RHOBTB1: variants seen among roughly 807,000 people sequenced by gnomAD.
RHOBTB1 encodes the protein rho-related BTB domain-containing protein 1.
RHOBTB1 carries 40 observed loss-of-function variants against 71.6 expected under a neutral mutation model. That is an observed-to-expected ratio of 0.56 (90% CI 0.43 to 0.73). The LOEUF is 0.73. RHOBTB1 is among the 30% of genes least tolerant of loss of function. The pLI is 0.00. For missense variants in RHOBTB1, 797 were observed against 894.0 expected (o/e 0.89, Z 1.38); for synonymous variants, 319 against 334.9 (o/e 0.95, Z 0.52).
At chr10:60,999,275 T>C (rs1027714530) in intron 1 of RHOBTB1, among the ~76,000 whole-genome samples, 7 of 152,114 alleles carry the variant, frequency 4.6e-5, no homozygotes, top group African/African-American at 1.7e-4. Context: ...TCCACTAAAA[T>C]GGACAAGTGT....
intron 1 of RHOBTB1, among the ~76,000 whole-genome samples, chr10:60,992,590 C>A (rs982071841): frequency 3.3e-4 from 50 of 152,272 alleles, no homozygotes; most frequent in African/African-American, 1.1e-3. Flanking sequence ...TGACAGAATT[C>A]TAGCAACTGT....
At chr10:60,918,389 AAG>A (rs769211426) in intron 2 of RHOBTB1, among the ~76,000 whole-genome samples, 4 of 152,078 alleles carry the variant, frequency 2.6e-5, no homozygotes, top group South Asian at 2.1e-4. Flanking sequence ...TCTCTTATGA[AAG>A]AGACTCCCAG....
At chr10:60,988,285 A>G (rs969856624) in intron 1 of RHOBTB1, among the ~76,000 whole-genome samples, 11 of 152,158 alleles carry the variant, frequency 7.2e-5, no homozygotes, top group Non-Finnish European at 1.3e-4. Context: ...TCAAAGAACT[A>G]AGATTTTATT....
Position 60,892,804 on chromosome 10 carries a change from G to A in RHOBTB1, c.482+6C>T. The A allele has an allele frequency of 6.2e-7, 1 of 1,610,364 alleles. No homozygotes were observed. The highest frequency in any genetic ancestry group is 1.3e-5 in the African/African-American group (1 of 74,900). Reference sequence around the variant, plus strand: ...GGACAGGGAAACACTGAGTCCCTTGGCTTACCTTGCTAACGGGCGCCTGGC... The same window carrying A: ...GGACAGGGAAACACTGAGTCCCTTGACTTACCTTGCTAACGGGCGCCTGGC... On this transcript the variant is annotated splice_donor_region_variant and intron_variant, in intron 5 of 10. Coordinates refer to ENST00000337910, the MANE Select transcript of RHOBTB1 (RefSeq NM_014836.5).
chr10:60,900,048 T>C (rs2082340898), intron 4 of RHOBTB1, among the ~76,000 whole-genome samples: 2 of 152,140 alleles, frequency 1.3e-5, no homozygotes, highest in South Asian at 2.1e-4. Context: ...CTGCCTGTGG[T>C]GCCCTCCTGG....
At chr10:60,911,118 G>T (rs1341991118) in intron 3 of RHOBTB1, 128 bp from the exon 4 acceptor site, 2 of 796,120 alleles carry the variant, frequency 2.5e-6, no homozygotes, top group Non-Finnish European at 4.1e-6. Context: ...TATCTGACGG[G>T]ATTTAAGCTA....
chr10:60,987,068 A>G (rs2086692596), intron 1 of RHOBTB1, among the ~76,000 whole-genome samples: 1 of 152,176 alleles, frequency 6.6e-6, no homozygotes, highest in Non-Finnish European at 1.5e-5. Flanking sequence ...TGCACAGCCC[A>G]TTTCGTGGGG....
chr10:60,931,156 G>A (rs896033840), intron 2 of RHOBTB1, among the ~76,000 whole-genome samples: 5 of 151,936 alleles, frequency 3.3e-5, no homozygotes, highest in Admixed American at 6.6e-5. Flanking sequence ...TACAATGCAC[G>A]TCTTATTTTT....
chr10:60,988,269 T>C (rs770567449), intron 1 of RHOBTB1, among the ~76,000 whole-genome samples: 12 of 152,198 alleles, frequency 7.9e-5, no homozygotes, highest in African/African-American at 2.9e-4. Flanking sequence ...GTTATATTTA[T>C]TTATTTCAAA....
intron 7 of RHOBTB1, among the ~76,000 whole-genome samples, chr10:60,885,032 C>T (rs1055621352): frequency 1.3e-5 from 2 of 152,090 alleles, no homozygotes; most frequent in Non-Finnish European, 2.9e-5. Context: ...GTTCCTCTCA[C>T]TTCAGTCTCC....
chr10:60,953,485 TTTGTC>T (rs1382326339), intron 2 of RHOBTB1, among the ~76,000 whole-genome samples: 1 of 152,142 alleles, frequency 6.6e-6, no homozygotes, highest in African/African-American at 2.4e-5. Context: ...CTAAGCGACT[TTTGTC>T]TTAACAGTTT....
upstream of RHOBTB1, among the ~76,000 whole-genome samples, chr10:60,948,952 GCTTC>G (rs370277939): frequency 1.6e-4 from 25 of 152,340 alleles, no homozygotes; most frequent in East Asian, 1.7e-3. Flanking sequence ...TTTAGTGGCA[GCTTC>G]CTTGAACAAA....
At chr10:60,901,074 C>CCT (rs2082393327) in intron 4 of RHOBTB1, among the ~76,000 whole-genome samples, 1 of 152,086 alleles carries the variant, frequency 6.6e-6, no homozygotes, top group Admixed American at 6.6e-5. Flanking sequence ...TTAAGAAAGC[C>CCT]CTCTATTGCA....
intron 1 of RHOBTB1, among the ~76,000 whole-genome samples, chr10:60,990,265 C>A (rs10994599): frequency 6.6e-6 from 1 of 151,774 alleles, no homozygotes; most frequent in South Asian, 2.1e-4. Context: ...TTACAGGCGT[C>A]AGCCACCGTG....
intron 2 of RHOBTB1, among the ~76,000 whole-genome samples, chr10:60,962,397 G>T (rs932590439): frequency 6.6e-6 from 1 of 152,110 alleles, no homozygotes; most frequent in Non-Finnish European, 1.5e-5. Flanking sequence ...AGGGGAGGAA[G>T]AATGATCATT....
chr10:60,945,952 C>G (rs58729805), upstream of RHOBTB1, among the ~76,000 whole-genome samples: 8,052 of 152,136 alleles, frequency 0.053, 338 homozygotes, highest in African/African-American at 0.11. Flanking sequence ...GGCCGAGGCG[C>G]GCGGATCACG....
rs970616102 is a variant in RHOBTB1, at chr10:60,870,670, G to A, written c.*812C>T. On this transcript the variant is annotated 3_prime_UTR_variant, in exon 11 of 11. Transcript: ENST00000337910. ...CTAATACAGCAATCCGAACACCAGC[G>A]CACTAATGGTATCTTATGTATTCAG... The A allele has an allele frequency of 1.3e-5, 2 of 152,330 alleles. No individual in the cohort carries two copies. Among genetic ancestry groups the A allele is most frequent in the African/African-American group, 2.4e-5 (1 of 41,436 alleles). 9.4% of individuals were successfully genotyped at this position (152,330 alleles called of 1,614,324 possible). A position where few individuals can be genotyped will look rare whatever the true frequency, so the allele number is the denominator to read the frequency against.
intron 2 of RHOBTB1, among the ~76,000 whole-genome samples, chr10:60,933,694 G>A (rs540420407): frequency 9.3e-5 from 14 of 150,262 alleles, no homozygotes; most frequent in African/African-American, 1.7e-4. Flanking sequence ...GTGAGAATCC[G>A]TCAAAAAAGA....
chr10:60,877,077 A>C (rs2132298107), intron 8 of RHOBTB1: 1 of 152,286 alleles, frequency 6.6e-6, no homozygotes, highest in African/African-American at 2.4e-5. Flanking sequence ...TTGCAACTTA[A>C]CTCCTCTGGT....
Sources: gnomAD v4.1 joint callset for allele counts (sites outside exome capture counted in the v4.1 genomes callset) on GRCh38, gnomAD v4.1.1 for gene constraint, MANE v1.5 for transcripts, NCBI Gene and HGNC (gene_info 2026-07-23, HGNC 2026-07-21) for gene names.